RNF123: variants seen among roughly 807,000 people sequenced by gnomAD.
RNF123 encodes the protein ring finger protein 123, also known as E3 ubiquitin-protein ligase RNF123.
In RNF123, 86 loss-of-function variants were observed where a neutral mutation model predicts 168.5. That is an observed-to-expected ratio of 0.51 (90% confidence interval 0.43 to 0.61). The LOEUF is 0.61. Among genes scored for constraint, RNF123 ranks in the 20% least tolerant of loss-of-function variants. The pLI, the probability that RNF123 is intolerant of heterozygous loss-of-function variation, is 0.00. For missense variants in RNF123, 1,419 were observed against 1,729.7 expected, an observed-to-expected ratio of 0.82 and a Z score of 3.19; for synonymous variants, 666 against 689.1, an observed-to-expected ratio of 0.97 and a Z score of 0.52.
At position 49,721,333 on chromosome 3, in the gene RNF123, C is replaced by T; in HGVS notation, c.*28C>T. 6.2e-7 allele frequency: 1 copy of T among 1,614,110 alleles called. No individual in the cohort carries two copies. The highest frequency in any genetic ancestry group is 8.5e-7 in the Non-Finnish European group (1 of 1,179,968). On this transcript the variant is annotated 3_prime_UTR_variant, in exon 39 of 39. Transcript: ENST00000327697. ...CTCACAGCCTGTGCCATCCTGGAACCTCCACCTTTGAACCCAGAGCCAGGC... is the reference window on the plus strand; with the variant it reads ...CTCACAGCCTGTGCCATCCTGGAACTTCCACCTTTGAACCCAGAGCCAGGC...
In RNF123 at chr3:49,698,833, T is replaced by C. The variant is rs1480317916; in HGVS notation, c.638+11T>C. 9 of 1,613,850 alleles carry C rather than the reference T, an allele frequency of 5.6e-6. No individual in the cohort carries two copies. The highest frequency in any genetic ancestry group is 7.6e-6 in the Non-Finnish European group (9 of 1,179,882). ...TCTGTCCTTCTGCCTGTGAGTTTCC[T>C]ATCTCTATGCACAGGCCTGGCCCCT... is the stretch of plus-strand genomic sequence containing the variant. On this transcript the variant is annotated intron_variant, in intron 9 of 38. Transcript: ENST00000327697.
chr3:49,694,638 C>G (rs1040767493), intron 3 of RNF123, among the ~76,000 whole-genome samples: 3 of 152,212 alleles, frequency 2.0e-5, no homozygotes, highest in African/African-American at 7.2e-5. Flanking sequence ...CTGTCTCTCA[C>G]CCCCTCATCA....
chr3:49,704,707 C>T lies in RNF123; in HGVS notation c.1910C>T (p.Ala637Val). 6.2e-7 allele frequency: 1 copy of T among 1,603,194 alleles called. No homozygotes were observed. Among genetic ancestry groups the T allele is most frequent in the Non-Finnish European group, 8.5e-7 (1 of 1,174,866 alleles). The change falls in exon 22 of 39, where the codon GCC (alanine) becomes GTC (valine). Residue 637 changes from alanine to valine, a missense_variant. Around this residue, in one of 5 missense-constraint regions of RNF123, gnomAD observed 538 missense variants for 708.8 expected, o/e 0.76. Transcript: ENST00000327697. ...GACCCACTGGAGCTCCAGTCAACCG[C>T]CATGGATGACCTAGATGAGGATGAG... is the stretch of plus-strand genomic sequence containing the variant. ...VIDPLELQST[A>V]MDDLDEDEEP...
At chr3:49,716,257 A>AT (rs1241408733) in intron 34 of RNF123, 80 bp downstream of exon 34, 1 of 1,568,860 alleles carries the variant, frequency 6.4e-7, no homozygotes, top group East Asian at 2.3e-5. Flanking sequence ...CTGATTCCAC[A>AT]TTCTGCCCCC....
rs750354917 is a variant in RNF123, at chr3:49,701,871, T to C, written c.1456T>C (p.Tyr486His). 1.3e-6 allele frequency: 2 copies of C among 1,568,194 alleles called. No individual in the cohort carries two copies. The highest frequency in any genetic ancestry group is 8.6e-7 in the Non-Finnish European group (1 of 1,156,898). ...TAEERLRRRAYERGCQRLRKR... is the reference protein window; with the variant it reads ...TAEERLRRRAHERGCQRLRKR... ...AGAGGAGCGGCTGCGGCGGCGAGCC[T>C]ACGAACGGGGCTGTCAGCGGCTCAG... The change falls in exon 17 of 39, where the codon TAC becomes CAC. Residue 486 changes from tyrosine to histidine, a missense_variant. Around this residue, in one of 5 missense-constraint regions of RNF123, gnomAD observed 349 missense variants for 344.9 expected, o/e 1.01. Transcript: ENST00000327697.
At position 49,705,968 on chromosome 3, in the gene RNF123, C is replaced by A; in HGVS notation, c.2305-14C>A. 1 of 1,612,700 alleles carries A rather than the reference C, an allele frequency of 6.2e-7. No individual in the cohort carries two copies. The highest frequency in any genetic ancestry group is 1.7e-4 in the Middle Eastern group (1 of 6,048). Reference sequence around the variant, plus strand: ...CCAAGGGGCACTCTGGACATGTGGTCCCATGCTGTGTAGATGGTGGGTGTC... The same window carrying A: ...CCAAGGGGCACTCTGGACATGTGGTACCATGCTGTGTAGATGGTGGGTGTC... On this transcript the variant is annotated splice_polypyrimidine_tract_variant and intron_variant, in intron 24 of 38. Coordinates refer to ENST00000327697, the MANE Select transcript of RNF123 (RefSeq NM_022064.5).
At chr3:49,701,027 C>G (rs1575525606) in intron 15 of RNF123, among the ~76,000 whole-genome samples, 1 of 152,274 alleles carries the variant, frequency 6.6e-6, no homozygotes, top group African/African-American at 2.4e-5. Context: ...CCTGCAAGAT[C>G]TTTAAGGAGG....
At position 49,705,539 on chromosome 3, in the gene RNF123, G is replaced by A. The variant is rs371278564; in HGVS notation, c.2164G>A (p.Gly722Ser). The A allele has an allele frequency of 8.8e-6, 14 of 1,592,734 alleles. No homozygotes were observed. The African/African-American group carries it at 1.8e-4, about 20-fold the overall frequency. Reference sequence around the variant, plus strand: ...TTCCCTCCCCAACTCCCCAGTTGAAGGCAGCCACTGGAATGAGGGCTTGCT... The same window carrying A: ...TTCCCTCCCCAACTCCCCAGTTGAAAGCAGCCACTGGAATGAGGGCTTGCT... ...VEQRTREDIE[G>S]SHWNEGLLLG... Residue 722 changes from glycine (G) to serine (S), a missense_variant, in exon 24 of 39, where the codon GGC (glycine) becomes AGC (serine). Transcript: ENST00000327697.
intron 15 of RNF123, among the ~76,000 whole-genome samples, chr3:49,701,266 C>G (rs1443795773): frequency 1.3e-5 from 2 of 152,250 alleles, no homozygotes; most frequent in African/African-American, 4.8e-5. Flanking sequence ...GTTCCTGTGA[C>G]AAGCCCTTAT....
chr3:49,699,000 C>T lies in RNF123; in HGVS notation c.659C>T (p.Thr220Ile). ...CCCAGGAACGGTGTATCACTGGGCA[C>T]TGCCTTTGAGAACCTGTCCAGGGGC... ...SFCLNGVSLG[T>I]AFENLSRGLG... Residue 220 changes from threonine (T) to isoleucine (I), a missense_variant, in exon 10 of 39, where the codon ACT becomes ATT. Physicochemically the swap from Thr to Ile is moderately conservative, Grantham distance 89. Coordinates refer to ENST00000327697, the MANE Select transcript of RNF123 (RefSeq NM_022064.5). 6.2e-7 allele frequency: 1 copy of T among 1,614,032 alleles called. No individual in the cohort carries two copies. The highest frequency in any genetic ancestry group is 1.1e-5 in the South Asian group (1 of 91,090).
intron 26 of RNF123, among the ~76,000 whole-genome samples, chr3:49,711,165 A>G (rs1379841108): frequency 6.6e-6 from 1 of 152,148 alleles, no homozygotes; most frequent in Non-Finnish European, 1.5e-5. Flanking sequence ...GCGAAACCCC[A>G]TCTCTCCTAA....
intron 15 of RNF123, among the ~76,000 whole-genome samples, chr3:49,701,250 T>C (rs1026645133): frequency 1.3e-5 from 2 of 152,230 alleles, no homozygotes; most frequent in African/African-American, 2.4e-5. Flanking sequence ...TGTCCCACAG[T>C]CATCTGTTCC....
At chr3:49,703,084 A>T (rs2054440144) in intron 20 of RNF123, among the ~76,000 whole-genome samples, 1 of 152,036 alleles carries the variant, frequency 6.6e-6, no homozygotes, top group African/African-American at 2.4e-5. Context: ...CCTGTGTTTG[A>T]GTCCCCAAGG....
At position 49,715,640 on chromosome 3, in the gene RNF123, G is replaced by A; in HGVS notation, c.3076G>A (p.Ala1026Thr). The change falls in exon 32 of 39, where the codon GCA becomes ACA. Residue 1026 changes from alanine (A) to threonine (T), a missense_variant. Physicochemically the swap from Ala to Thr is moderately conservative, Grantham distance 58 (BLOSUM62 0). Transcript: ENST00000327697. The part of the protein sequence containing the change: ...ADLLQQGPDV[A>T]PSFLNSVLNQ... ...CCTCCTACAGCAGGGTCCTGATGTG[G>A]CACCCAGCTTCCTCAACAGCGTCCT... 1.2e-6 allele frequency: 2 copies of A among 1,614,192 alleles called. No individual in the cohort carries two copies. Among genetic ancestry groups the A allele is most frequent in the Non-Finnish European group, 1.7e-6 (2 of 1,180,036 alleles).
chr3:49,691,355 C>G, intron 2 of RNF123, 70 bp from the exon 3 acceptor site: 2 of 1,599,256 alleles, frequency 1.3e-6, no homozygotes, highest in Non-Finnish European at 1.7e-6. Flanking sequence ...CCAGAAGTCT[C>G]TGGGGCCAGC....
At chr3:49,702,168 G>T in intron 18 of RNF123, 24 bp downstream of exon 18, 1 of 1,613,060 alleles carries the variant, frequency 6.2e-7, no homozygotes, top group Non-Finnish European at 8.5e-7. Context: ...AGGAGCCCTG[G>T]GTGGGGCCCT....
rs1406917388 is a variant in RNF123 at position 49,699,731 on chromosome 3, C to T, written c.943C>T (p.Leu315Phe). 1.1e-5 allele frequency: 17 copies of T among 1,613,638 alleles called. No individual in the cohort carries two copies. The highest frequency in any genetic ancestry group is 5.3e-5 in the African/African-American group (4 of 74,942). ...GTTGCGGGGCCAGCCCACCGTCCTC[C>T]TCACACTGGCCCACATCTTCCATCA... ...WRLRGQPTVL[L>F]TLAHIFHHFA... is the part of the protein sequence containing the mutation. The change falls in exon 12 of 39, where the codon CTC (leucine) becomes TTC (phenylalanine). Residue 315 changes from leucine to phenylalanine, a missense_variant. Leu to Phe is a conservative substitution (Grantham distance 22). Around this residue, in one of 5 missense-constraint regions of RNF123, gnomAD observed 318 missense variants for 446.6 expected, o/e 0.71. Transcript: ENST00000327697. The surrounding 1 kb of genome is among the most constrained non-coding windows in gnomAD (Gnocchi z 4.8).
chr3:49,712,943 T>C, intron 27 of RNF123: 1 of 703,042 alleles, frequency 1.4e-6, no homozygotes, highest in Non-Finnish European at 2.6e-6. Flanking sequence ...TATGAGCAAC[T>C]GCCATGGTCC....
intron 23 of RNF123, 143 bp downstream of exon 23, chr3:49,705,325 C>T (rs761546312): frequency 8.2e-6 from 10 of 1,223,218 alleles, no homozygotes; most frequent in South Asian, 1.5e-5. Flanking sequence ...AAGCACACTC[C>T]GAGGGCAGGA....
Sources: allele counts gnomAD v4.1 joint callset (sites outside exome capture counted in the v4.1 genomes callset), GRCh38; gene constraint gnomAD v4.1.1; regional missense constraint gnomAD v4.1.1; non-coding constraint Gnocchi (gnomAD v3.1); transcripts MANE v1.5; gene names NCBI Gene and HGNC (gene_info 2026-07-23, HGNC 2026-07-21).